The following ABCC10 variants were observed in gnomAD, a reference collection of about 807,000 sequenced individuals.
ABCC10 encodes the protein ATP binding cassette subfamily C member 10, also known as ATP-binding cassette sub-family C member 10.
ABCC10 carries 110 observed loss-of-function variants against 143.2 expected under a neutral mutation model. The observed-to-expected ratio is 0.77, with a 90% CI of 0.66 to 0.90. The LOEUF (loss-of-function observed/expected upper bound fraction) is 0.90. ABCC10 is among the 40% of genes least tolerant of loss of function. The pLI is 0.00. For synonymous variants in ABCC10, 805 were observed against 846.7 expected, an observed-to-expected ratio of 0.95 and a Z score of 0.85; for missense variants, 1,700 against 1,900.5, an observed-to-expected ratio of 0.89 and a Z score of 1.96.
Position 43,449,140 on chromosome 6 carries a change from G to A in ABCC10, c.4139G>A (p.Arg1380Gln), listed in dbSNP as rs200840111. The change falls in exon 20 of 22, where the codon CGG becomes CAG. Residue 1380 changes from arginine (R) to glutamine (Q), a missense_variant. Arg to Gln is a conservative substitution (Grantham distance 43, BLOSUM62 1). Coordinates refer to ENST00000372530, the MANE Select transcript of ABCC10 (RefSeq NM_001198934.2). ...GLDGELGEGGRSLSLGQRQLL... is the reference protein window; with the variant it reads ...GLDGELGEGGQSLSLGQRQLL... Reference sequence around the variant, plus strand: ...GATGGTGAGCTGGGTGAGGGGGGCCGGAGCTTATCTCTTGGGCAGAGGCAG... The same window carrying A: ...GATGGTGAGCTGGGTGAGGGGGGCCAGAGCTTATCTCTTGGGCAGAGGCAG... 1.7e-5 allele frequency: 28 copies of A among 1,614,192 alleles called. No homozygotes were observed. The highest frequency in any genetic ancestry group is 1.7e-4 in the Middle Eastern group (1 of 6,060).
downstream of ABCC10, chr6:43,451,317 C>T: frequency 6.3e-7 from 1 of 1,590,772 alleles, no homozygotes; most frequent in Non-Finnish European, 8.6e-7. This position sits in a 1 kb window ranked among gnomAD's most constrained non-coding sequence, Gnocchi z 4.4. Flanking sequence ...AACTTACCAA[C>T]ACCTGTAGGG....
downstream of ABCC10, chr6:43,450,485 C>G: frequency 6.6e-7 from 1 of 1,513,192 alleles, no homozygotes; most frequent in Non-Finnish European, 8.8e-7. The surrounding 1 kb of genome is among the most constrained non-coding windows in gnomAD (Gnocchi z 4.5). Context: ...ACGGACCACT[C>G]CAGTCTGAGG....
Position 43,447,869 on chromosome 6 carries a change from A to G in ABCC10, c.3891A>G (p.Leu1297=). The G allele has an allele frequency of 5.0e-6, 8 of 1,613,972 alleles. No homozygotes were observed. Among genetic ancestry groups the G allele is most frequent in the Non-Finnish European group, 6.8e-6 (8 of 1,180,028 alleles). Residue 1297 remains leucine, a synonymous_variant, in exon 18 of 22, where the codon CTA becomes CTG. Coordinates refer to ENST00000372530, the MANE Select transcript of ABCC10 (RefSeq NM_001198934.2). ...SSLLLVLFRL[L]EPSSGRVLLD... ...TGTTGTTGGTGCTCTTCCGGCTGCTAGAGCCCAGTTCAGGGCGAGTGCTGC... is the reference window on the plus strand; with the variant it reads ...TGTTGTTGGTGCTCTTCCGGCTGCTGGAGCCCAGTTCAGGGCGAGTGCTGC...
intron 2 of ABCC10, chr6:43,431,683 G>A: frequency 1.9e-6 from 1 of 521,406 alleles, no homozygotes; most frequent in Non-Finnish European, 2.5e-6. Context: ...TAAAATTTTA[G>A]ATTCATGAGG....
At chr6:43,451,357 C>G (rs193184379), downstream of ABCC10, 3 of 1,503,424 alleles carry the variant, frequency 2.0e-6, no homozygotes, top group Non-Finnish European at 2.7e-6. The surrounding 1 kb of genome is among the most constrained non-coding windows in gnomAD (Gnocchi z 4.4). Flanking sequence ...GACCACTGCC[C>G]GCCATGTCAT....
Position 43,449,382 on chromosome 6 carries a change from C to G in ABCC10, c.4204-40C>G, listed in dbSNP as rs1783503611. The G allele has an allele frequency of 1.9e-6, 3 of 1,572,382 alleles. No homozygotes were observed. In the African/African-American group the frequency reaches 4.1e-5, roughly 21 times the overall value. ...CCAGGCCCAACCCACCCTGCAGCCTCTCCTTCCTTCTTATCCCCTACCCCA... is the reference window on the plus strand; with the variant it reads ...CCAGGCCCAACCCACCCTGCAGCCTGTCCTTCCTTCTTATCCCCTACCCCA... On this transcript the variant is annotated intron_variant, in intron 20 of 21. Transcript: ENST00000372530.
At chr6:43,438,933 G>C in intron 8 of ABCC10, 138 bp downstream of exon 8, 1 of 1,065,338 alleles carries the variant, frequency 9.4e-7, no homozygotes, top group Non-Finnish European at 1.3e-6. Flanking sequence ...ATCGGACTGT[G>C]GTCCTCCCAG....
chr6:43,444,407 C>T (rs753535441), intron 12 of ABCC10, 54 bp downstream of exon 12: 891 of 1,528,638 alleles, frequency 5.8e-4, no homozygotes, highest in Non-Finnish European at 7.4e-4. Flanking sequence ...TGTCTAGGTG[C>T]CCATTACCTT....
chr6:43,440,528 C>T (rs1782283205), intron 8 of ABCC10, among the ~76,000 whole-genome samples: 1 of 151,852 alleles, frequency 6.6e-6, no homozygotes, highest in Admixed American at 6.6e-5. Flanking sequence ...TTTGGGAGGC[C>T]AAGGAGGGTG....
chr6:43,432,030 C>T (rs141438097), intron 2 of ABCC10, 112 bp from the exon 3 acceptor site: 11 of 1,495,528 alleles, frequency 7.4e-6, no homozygotes, highest in African/African-American at 1.4e-5. Context: ...ATAAGATGTG[C>T]AAGGCAGGAA....
At chr6:43,436,309 C>A in intron 6 of ABCC10, 62 bp downstream of exon 6, 1 of 1,566,864 alleles carries the variant, frequency 6.4e-7, no homozygotes, top group Non-Finnish European at 8.7e-7. Context: ...GAACTCATGT[C>A]AGAGAAGCAG....
Position 43,446,324 on chromosome 6 carries a change from A to G in ABCC10, c.3422A>G (p.Gln1141Arg), listed in dbSNP as rs750116543. ...LRLLELNQRC[Q>R]FATSATMQWL... ...CTCCTTGAGCTAAACCAGAGGTGCC[A>G]GTTTGCCACCAGTGCCACAATGCAG... The change falls in exon 16 of 22, where the codon CAG (glutamine) becomes CGG (arginine). Residue 1141 changes from glutamine (Q) to arginine (R), a missense_variant. Coordinates refer to ENST00000372530, the MANE Select transcript of ABCC10 (RefSeq NM_001198934.2). 28 of 1,613,880 alleles carry G rather than the reference A, an allele frequency of 1.7e-5. No individual in the cohort carries two copies. Among genetic ancestry groups the G allele is most frequent in the Admixed American group, 3.3e-5 (2 of 59,992 alleles).
intron 3 of ABCC10, 113 bp downstream of exon 3, chr6:43,433,473 C>A: frequency 7.0e-7 from 1 of 1,432,384 alleles, no homozygotes; most frequent in Non-Finnish European, 9.1e-7. Flanking sequence ...AAGTTAAGAG[C>A]TGAGACTGGA....
intron 18 of ABCC10, 105 bp from the exon 19 acceptor site, chr6:43,448,776 C>T (rs567736261): frequency 5.7e-6 from 8 of 1,411,152 alleles, no homozygotes; most frequent in South Asian, 2.8e-5. Flanking sequence ...GTTCAGGTCT[C>T]ATACCCAGGC....
At position 43,443,806 on chromosome 6, in the gene ABCC10, G is replaced by T. The variant is rs906980231; in HGVS notation, c.2417-127G>T. On this transcript the variant is annotated intron_variant, in intron 10 of 21. Transcript: ENST00000372530. This position sits in a 1 kb window ranked among gnomAD's most constrained non-coding sequence, Gnocchi z 4.2. ...TAAGAGTCCTGCTCGAGGTCTAGGGGTATCCTGCTAGGGTGGGTTAGACGG... is the reference window on the plus strand; with the variant it reads ...TAAGAGTCCTGCTCGAGGTCTAGGGTTATCCTGCTAGGGTGGGTTAGACGG... 2 of 949,792 alleles carry T rather than the reference G, an allele frequency of 2.1e-6. No homozygotes were observed. The highest frequency in any genetic ancestry group is 1.7e-6 in the Non-Finnish European group (1 of 589,980). The allele number at this position is 949,792 out of a possible 1,614,324, so 58.8% of individuals were successfully genotyped here.
chr6:43,429,374 G>T (rs1366836735), intron 2 of ABCC10, among the ~76,000 whole-genome samples: 1 of 34,508 alleles, frequency 2.9e-5, no homozygotes, highest in African/African-American at 1.3e-4. Context: ...TTTCTTTCTT[G>T]TGTGTGTGTG....
chr6:43,437,546 C>T (rs368025590), intron 6 of ABCC10, among the ~76,000 whole-genome samples: 1 of 151,738 alleles, frequency 6.6e-6, no homozygotes, highest in Non-Finnish European at 1.5e-5. Context: ...AGCCACAGGT[C>T]GACTTAGCCA....
intron 2 of ABCC10, among the ~76,000 whole-genome samples, chr6:43,429,084 C>T (rs943344861): frequency 6.6e-6 from 1 of 152,202 alleles, no homozygotes; most frequent in African/African-American, 2.4e-5. Flanking sequence ...CTTCACTTCA[C>T]TTATCAGCCT....
rs1780691937 is a variant in ABCC10 at position 43,428,047 on chromosome 6, CA to C, written c.70del (p.Thr24ProfsTer59). The C allele has an allele frequency of 1.3e-6, 2 of 1,597,038 alleles. No homozygotes were observed. The highest frequency in any genetic ancestry group is 2.7e-5 in the African/African-American group (2 of 74,670). Reference protein sequence around the residue: ...AWPLPLWEGDTTGHCFTQLVL... With the variant: ...AWPLPLWEGDXTGHCFTQLVL... The stretch of plus-strand genomic sequence containing the variant: ...GGCCGCTCCCGCTGTGGGAGGGGGA[CA>C]CCACAGGCCACTGCTTCACCCAGCT... On this transcript the variant is annotated frameshift_variant, in exon 2 of 22. Coordinates refer to ENST00000372530, the MANE Select transcript of ABCC10 (RefSeq NM_001198934.2). LOFTEE classifies it high-confidence loss of function.
Sources: gnomAD v4.1 joint callset for allele counts (sites outside exome capture counted in the v4.1 genomes callset) on GRCh38, gnomAD v4.1.1 for gene constraint, Gnocchi (gnomAD v3.1) non-coding constraint, MANE v1.5 for transcripts, NCBI Gene and HGNC (gene_info 2026-07-23, HGNC 2026-07-21) for gene names.